Variants in ROR1 observed in about 807,000 individuals in gnomAD.
ROR1 encodes inactive tyrosine-protein kinase transmembrane receptor ROR1.
In ROR1, 19 loss-of-function variants were observed where a neutral mutation model predicts 78.8. The observed-to-expected ratio is 0.24, with a 90% CI of 0.17 to 0.35. ROR1 has a LOEUF of 0.35. Among genes scored for constraint, ROR1 ranks in the 10% least tolerant of loss-of-function variants. The pLI, the probability that ROR1 is intolerant of heterozygous loss-of-function variation, is 1.00. For missense variants in ROR1, 917 were observed against 1,177.8 expected, an observed-to-expected ratio of 0.78 and a Z score of 3.24; for synonymous variants, 386 against 433.6, an observed-to-expected ratio of 0.89 and a Z score of 1.36.
chr1:64,027,652 A>T (rs868402000), intron 2 of ROR1, among the ~76,000 whole-genome samples: 1 of 151,630 alleles, frequency 6.6e-6, no homozygotes, highest in Non-Finnish European at 1.5e-5. Context: ...TTGCATGCTC[A>T]TAACATCCCA....
At chr1:64,132,201 C>T (rs1257459932) in intron 4 of ROR1, among the ~76,000 whole-genome samples, 1 of 152,124 alleles carries the variant, frequency 6.6e-6, no homozygotes, top group Non-Finnish European at 1.5e-5. Flanking sequence ...GTTTTTGAGG[C>T]TCTCCCACAT....
At chr1:63,911,080 A>G (rs951599016) in intron 1 of ROR1, among the ~76,000 whole-genome samples, 13 of 152,178 alleles carry the variant, frequency 8.5e-5, no homozygotes, top group Admixed American at 3.3e-4. Flanking sequence ...GAATCAAATC[A>G]TAGACACTTT....
chr1:64,001,809 C>T (rs527783416), intron 1 of ROR1, among the ~76,000 whole-genome samples: 1 of 152,336 alleles, frequency 6.6e-6, no homozygotes, highest in South Asian at 2.1e-4. Context: ...AACATTAAAA[C>T]TGCAGGCCCC....
At chr1:64,066,562 C>T (rs1361678107) in intron 4 of ROR1, 1 of 152,186 alleles carries the variant, frequency 6.6e-6, no homozygotes, top group Non-Finnish European at 1.5e-5. Flanking sequence ...GATCCACCTA[C>T]CTCGGCCTCC....
intron 1 of ROR1, among the ~76,000 whole-genome samples, chr1:63,958,551 A>G (rs1185256246): frequency 1.3e-5 from 2 of 152,182 alleles, no homozygotes; most frequent in Non-Finnish European, 2.9e-5. Context: ...AGGAGGGTCA[A>G]ATTACGTGGT....
rs370590801 is a variant in ROR1 at position 63,970,740 on chromosome 1, T to G, written c.92-38565T>G. ...GCGCCTTCTAACTACTTTACATGAA[T>G]TATTTTGATCCTCCCAACAACGCTA... On this transcript the variant is annotated intron_variant, in intron 1 of 8. Transcript: ENST00000371079. 5.3e-5 allele frequency among the ~76,000 whole-genome samples: 8 copies of G among 152,208 alleles called. No individual in the cohort carries two copies. The East Asian group carries it at 7.7e-4, about 15-fold the overall frequency.
intron 1 of ROR1, among the ~76,000 whole-genome samples, chr1:63,809,784 T>C (rs1644849730): frequency 6.6e-6 from 1 of 152,222 alleles, no homozygotes; most frequent in Admixed American, 6.5e-5. Context: ...AAAAATCCTC[T>C]TCCACACCTT....
chr1:63,827,739 T>C (rs1432099467), intron 1 of ROR1, among the ~76,000 whole-genome samples: 1 of 152,180 alleles, frequency 6.6e-6, no homozygotes, highest in African/African-American at 2.4e-5. Flanking sequence ...AGGGGAGAGC[T>C]GGTGCCCTAC....
At chr1:63,813,504 A>T (rs1315153949) in intron 1 of ROR1, among the ~76,000 whole-genome samples, 2 of 152,232 alleles carry the variant, frequency 1.3e-5, no homozygotes, top group African/African-American at 4.8e-5. Flanking sequence ...TAGCATAAGC[A>T]CTAGAAGAGC....
chr1:63,923,860 T>A (rs780676489), intron 1 of ROR1, among the ~76,000 whole-genome samples: 1 of 151,822 alleles, frequency 6.6e-6, no homozygotes, highest in Non-Finnish European at 1.5e-5. Context: ...CCCAGCTCAC[T>A]GTGCCTCGGT....
intron 1 of ROR1, among the ~76,000 whole-genome samples, chr1:63,909,361 G>A (rs373938452): frequency 2.0e-5 from 3 of 152,118 alleles, no homozygotes; most frequent in Admixed American, 6.6e-5. Context: ...AATTACAATA[G>A]CATCTGTATG....
Position 64,127,218 on chromosome 1 carries a change from A to T in ROR1, c.483-10151A>T, listed in dbSNP as rs758475371. ...TTTTCACTAAATCATATATGTACAC[A>T]TTTCAAAGCTCTTGGCTTTATTATA... On this transcript the variant is annotated intron_variant, in intron 4 of 8. Coordinates refer to ENST00000371079, the MANE Select transcript of ROR1 (RefSeq NM_005012.4). Among the ~76,000 whole-genome samples, 17 of 152,296 alleles carry T rather than the reference A, an allele frequency of 1.1e-4. 1 individual carries two copies. The highest frequency in any genetic ancestry group is 6.8e-3 in the Middle Eastern group (2 of 294).
At chr1:64,128,500 G>C (rs1454777656) in intron 4 of ROR1, among the ~76,000 whole-genome samples, 1 of 151,878 alleles carries the variant, frequency 6.6e-6, no homozygotes, top group African/African-American at 2.4e-5. Context: ...GGAGAGGTTG[G>C]GTGGCTGGGG....
At chr1:63,858,668 AG>A (rs1645162655) in intron 1 of ROR1, among the ~76,000 whole-genome samples, 2 of 152,178 alleles carry the variant, frequency 1.3e-5, no homozygotes, top group Non-Finnish European at 2.9e-5. Flanking sequence ...TGTTTAGATG[AG>A]GGTATTTTCT....
intron 1 of ROR1, among the ~76,000 whole-genome samples, 195 bp from the exon 2 acceptor site, chr1:64,009,110 T>A (rs1266773337): frequency 6.6e-6 from 1 of 152,174 alleles, no homozygotes; most frequent in Non-Finnish European, 1.5e-5. Context: ...ATTGTTCATT[T>A]GGATGGCATC....
intron 1 of ROR1, among the ~76,000 whole-genome samples, chr1:64,003,299 C>T (rs1458404762): frequency 6.6e-6 from 1 of 151,862 alleles, no homozygotes; most frequent in Non-Finnish European, 1.5e-5. Context: ...ATGGATTCAT[C>T]ACATATATAA....
At chr1:63,992,826 A>G (rs1490548568) in intron 1 of ROR1, among the ~76,000 whole-genome samples, 4 of 152,202 alleles carry the variant, frequency 2.6e-5, no homozygotes, top group African/African-American at 7.2e-5. Flanking sequence ...TGCTCTGCTA[A>G]TGAGTGTAGA....
intron 4 of ROR1, among the ~76,000 whole-genome samples, chr1:64,057,338 T>C (rs1646883137): frequency 6.6e-6 from 1 of 152,230 alleles, no homozygotes; most frequent in South Asian, 2.1e-4. Context: ...CCTATTCAGT[T>C]CTACATAGTC....
chr1:64,063,654 C>T (rs1297453531), intron 4 of ROR1, among the ~76,000 whole-genome samples: 1 of 152,080 alleles, frequency 6.6e-6, no homozygotes, highest in Non-Finnish European at 1.5e-5. Flanking sequence ...CCCATACACA[C>T]ACAAACACAC....
Sources: allele counts gnomAD v4.1 joint callset (sites outside exome capture counted in the v4.1 genomes callset), GRCh38; gene constraint gnomAD v4.1.1; transcripts MANE v1.5; gene names NCBI Gene and HGNC (gene_info 2026-07-23, HGNC 2026-07-21).